Variants in ABCC4 observed in about 807,000 individuals in gnomAD.
ABCC4 encodes ATP-binding cassette sub-family C member 4.
ABCC4 carries 102 observed loss-of-function variants against 168.5 expected under a neutral mutation model. The ratio of observed to expected loss-of-function variants is 0.61; its 90% CI spans 0.52 to 0.71. The LOEUF is 0.71. ABCC4 is among the 30% of genes least tolerant of loss of function. ABCC4 has a pLI of 0.00. For synonymous variants in ABCC4, 617 were observed against 590.7 expected (o/e 1.04, Z -0.65); for missense variants, 1,402 against 1,605.8 (o/e 0.87, Z 2.17).
chr13:95,101,346 A>C (rs941824147), intron 20 of ABCC4, among the ~76,000 whole-genome samples: 2 of 149,958 alleles, frequency 1.3e-5, no homozygotes, highest in African/African-American at 4.9e-5. Flanking sequence ...AGCTCAGTCA[A>C]GCTGCTGATT....
At chr13:95,218,924 A>AG (rs1491161592) in intron 4 of ABCC4, among the ~76,000 whole-genome samples, 26,232 of 60,924 alleles carry the variant, frequency 0.43, 3,958 homozygotes, top group African/African-American at 0.53. Context: ...AGAGAGAAAG[A>AG]AAGAGAAAGA....
At chr13:95,274,138 C>A (rs1204034629) in intron 1 of ABCC4, among the ~76,000 whole-genome samples, 1 of 152,186 alleles carries the variant, frequency 6.6e-6, no homozygotes, top group Non-Finnish European at 1.5e-5. Flanking sequence ...AACTAACAAG[C>A]CTGCTTTAGC....
chr13:95,245,953 A>G (rs4148441), intron 3 of ABCC4, among the ~76,000 whole-genome samples: 134,809 of 149,294 alleles, frequency 0.9, 60,984 homozygotes, highest in African/African-American at 0.94. Flanking sequence ...CCCTTTTGTA[A>G]CAACAGCAAC....
At chr13:95,214,868 AGGT>A in intron 4 of ABCC4, among the ~76,000 whole-genome samples, 1 of 84,896 alleles carries the variant, frequency 1.2e-5, no homozygotes, top group African/African-American at 4.4e-5. Context: ...CCTGGGTGAT[AGGT>A]GAGACTCCAA....
At chr13:95,072,499 G>A (rs2033765943) in intron 24 of ABCC4, among the ~76,000 whole-genome samples, 1 of 152,146 alleles carries the variant, frequency 6.6e-6, no homozygotes, top group African/African-American at 2.4e-5. Context: ...TTTTGCTATA[G>A]AAGGATCACC....
At chr13:95,272,700 CAA>C (rs1298047944) in intron 1 of ABCC4, among the ~76,000 whole-genome samples, 1 of 151,944 alleles carries the variant, frequency 6.6e-6, no homozygotes, top group Non-Finnish European at 1.5e-5. Context: ...CCAGCCTGGC[CAA>C]CATGGTGAAA....
intron 26 of ABCC4, among the ~76,000 whole-genome samples, chr13:95,059,084 A>G (rs3782943): frequency 0.3 from 45,927 of 152,212 alleles, 7,157 homozygotes; most frequent in Non-Finnish European, 0.34. Context: ...GCACCTGCAC[A>G]AGCCCACACT....
chr13:95,103,555 T>C (rs2034888396), intron 20 of ABCC4, among the ~76,000 whole-genome samples: 1 of 152,204 alleles, frequency 6.6e-6, no homozygotes, highest in Non-Finnish European at 1.5e-5. Context: ...GGACACAGCC[T>C]TGTGAATGAC....
At chr13:95,222,465 C>A (rs541358658) in intron 4 of ABCC4, among the ~76,000 whole-genome samples, 1 of 152,186 alleles carries the variant, frequency 6.6e-6, no homozygotes, top group African/African-American at 2.4e-5. Flanking sequence ...TTAGTTAAAG[C>A]CACTGGCATC....
intron 1 of ABCC4, 104 bp from the exon 2 acceptor site, chr13:95,247,857 C>T (rs1265911426): frequency 2.6e-6 from 2 of 771,222 alleles, no homozygotes; most frequent in African/African-American, 3.5e-5. Flanking sequence ...AAAATACATA[C>T]AGCTATATAT....
intron 30 of ABCC4, among the ~76,000 whole-genome samples, chr13:95,032,497 G>A (rs2031922212): frequency 6.6e-6 from 1 of 152,188 alleles, no homozygotes; most frequent in Non-Finnish European, 1.5e-5. Flanking sequence ...GAATCGTTTT[G>A]AGGATAAATG....
chr13:95,261,270 G>A (rs1378848846), intron 1 of ABCC4, among the ~76,000 whole-genome samples: 7 of 151,788 alleles, frequency 4.6e-5, no homozygotes, highest in African/African-American at 9.7e-5. Flanking sequence ...CCAAAATAGC[G>A]AAACCCCGTC....
intron 4 of ABCC4, among the ~76,000 whole-genome samples, chr13:95,231,837 T>G (rs1321084415): frequency 6.6e-6 from 1 of 152,182 alleles, no homozygotes; most frequent in African/African-American, 2.4e-5. Flanking sequence ...AAAGGCTATT[T>G]TCCAAAGCGT....
chr13:95,057,765 T>C (rs897815637), intron 26 of ABCC4, among the ~76,000 whole-genome samples: 2 of 152,220 alleles, frequency 1.3e-5, no homozygotes, highest in African/African-American at 2.4e-5. Context: ...CAGGAAGCCA[T>C]GCAGGCTAGA....
chr13:95,070,888 A>G lies in ABCC4; in HGVS notation c.3210+774T>C, dbSNP rs372022296. 3.9e-5 allele frequency among the ~76,000 whole-genome samples: 6 copies of G among 152,264 alleles called. No homozygotes were observed. The South Asian group carries it at 1.2e-3, about 32-fold the overall frequency. On this transcript the variant is annotated intron_variant, in intron 25 of 30. Transcript: ENST00000645237. ...CACAGGTTAAAGGAAGGCAAGAAAG[A>G]CTAAGGAAAGGGCCTGATAATGTTT...
chr13:95,173,605 G>T (rs2037555784), intron 13 of ABCC4, among the ~76,000 whole-genome samples: 1 of 152,192 alleles, frequency 6.6e-6, no homozygotes, highest in African/African-American at 2.4e-5. Context: ...GCATGGCAAG[G>T]GTTGGAAAGG....
At chr13:95,264,039 G>C (rs2040604546) in intron 1 of ABCC4, among the ~76,000 whole-genome samples, 1 of 152,118 alleles carries the variant, frequency 6.6e-6, no homozygotes, top group African/African-American at 2.4e-5. Flanking sequence ...ATGTCCAAAG[G>C]ACCCAGGAGC....
At position 95,172,195 on chromosome 13, in the gene ABCC4, T is replaced by C. The variant is rs564614860; in HGVS notation, c.1728-1567A>G. ...TCTCAAAAAATACTTTCCAAATTATTAAGAGTAAAAATCTTCCAGTCATGC... is the reference window on the plus strand; with the variant it reads ...TCTCAAAAAATACTTTCCAAATTATCAAGAGTAAAAATCTTCCAGTCATGC... On this transcript the variant is annotated intron_variant, in intron 13 of 30. Coordinates refer to ENST00000645237, the MANE Select transcript of ABCC4 (RefSeq NM_005845.5). 1.2e-4 allele frequency among the ~76,000 whole-genome samples: 19 copies of C among 152,324 alleles called. No individual in the cohort carries two copies. In the East Asian group the frequency reaches 3.3e-3, roughly 26 times the overall value.
chr13:95,161,515 T>C (rs1037659784), intron 18 of ABCC4, among the ~76,000 whole-genome samples, 180 bp from the exon 19 acceptor site: 4 of 152,244 alleles, frequency 2.6e-5, no homozygotes, highest in Admixed American at 6.5e-5. Context: ...TAAAATAGTT[T>C]ATTTTTCTCT....
Sources: allele counts gnomAD v4.1 joint callset (sites outside exome capture counted in the v4.1 genomes callset), GRCh38; gene constraint gnomAD v4.1.1; transcripts MANE v1.5; gene names NCBI Gene and HGNC (gene_info 2026-07-23, HGNC 2026-07-21).